The following MYO16 variants were observed in gnomAD, a reference collection of about 807,000 sequenced individuals.
MYO16 encodes the protein myosin XVI.
MYO16 carries 94 observed loss-of-function variants against 205.3 expected under a neutral mutation model. The observed-to-expected ratio is 0.46, with a 90% CI of 0.39 to 0.54. The LOEUF is 0.54. Ranked by LOEUF, MYO16 falls within the 20% of genes least tolerant of loss-of-function variation. The pLI, the probability that MYO16 is intolerant of heterozygous loss-of-function variation, is 0.00. For synonymous variants in MYO16, 988 were observed against 954.0 expected (o/e 1.04, Z -0.66); for missense variants, 2,315 against 2,387.5 (o/e 0.97, Z 0.63).
At chr13:109,150,294 C>T (rs115799803) in intron 32 of MYO16, among the ~76,000 whole-genome samples, 1,622 of 152,284 alleles carry the variant, frequency 0.011, 32 homozygotes, top group African/African-American at 0.036. Context: ...AAGTGAGAAA[C>T]ATGACTAAAT....
At chr13:108,912,549 C>T (rs1030538972) in intron 16 of MYO16, among the ~76,000 whole-genome samples, 1 of 152,014 alleles carries the variant, frequency 6.6e-6, no homozygotes, top group African/African-American at 2.4e-5. Flanking sequence ...AAGCCAGAGA[C>T]ATGAAGAAGC....
At chr13:108,729,277 A>C (rs1407354261) in intron 4 of MYO16, among the ~76,000 whole-genome samples, 2 of 152,188 alleles carry the variant, frequency 1.3e-5, no homozygotes, top group African/African-American at 2.4e-5. Flanking sequence ...AATATATTAC[A>C]GAAAGGAACC....
chr13:108,575,026 C>T, the MYO16 span, among the ~76,000 whole-genome samples: 5 of 152,152 alleles, frequency 3.3e-5, no homozygotes, highest in South Asian at 1.0e-3. Flanking sequence ...CTCACACACT[C>T]CAGTGTGACT....
chr13:108,782,846 G>A (rs886879887), intron 4 of MYO16, among the ~76,000 whole-genome samples: 1 of 152,196 alleles, frequency 6.6e-6, no homozygotes, highest in Non-Finnish European at 1.5e-5. Flanking sequence ...TGAGCCTGCA[G>A]GTAGACAGAA....
intron 20 of MYO16, among the ~76,000 whole-genome samples, chr13:108,984,289 C>G (rs1180030061): frequency 6.6e-6 from 1 of 152,120 alleles, no homozygotes. Flanking sequence ...CTTAGAAATC[C>G]TCATACCCAT....
the MYO16 span, among the ~76,000 whole-genome samples, chr13:108,510,461 G>GTTTTTTTT: frequency 1.8e-3 from 82 of 45,824 alleles, no homozygotes; most frequent in East Asian, 3.0e-3. Flanking sequence ...ATTGATAGCT[G>GTTTTTTTT]TTTTTTTTTT....
intron 3 of MYO16, among the ~76,000 whole-genome samples, chr13:108,721,055 C>T (rs528222249): frequency 3.9e-5 from 6 of 152,174 alleles, no homozygotes; most frequent in African/African-American, 1.4e-4. Flanking sequence ...CATTTGGTTC[C>T]TATGATTTTC....
intron 16 of MYO16, among the ~76,000 whole-genome samples, chr13:108,917,026 GA>G: frequency 0.015 from 8 of 538 alleles, no homozygotes; most frequent in Non-Finnish European, 0.028. Flanking sequence ...CCAGGAATGT[GA>G]GATGCAGAAA....
At chr13:108,563,815 A>G in the MYO16 span, among the ~76,000 whole-genome samples, 8 of 152,322 alleles carry the variant, frequency 5.3e-5, no homozygotes, top group South Asian at 2.1e-4. Context: ...GAGTGCAGAT[A>G]TCTTTTCAAT....
At chr13:108,501,191 A>C in the MYO16 span, among the ~76,000 whole-genome samples, 7 of 152,120 alleles carry the variant, frequency 4.6e-5, no homozygotes, top group Admixed American at 2.6e-4. Flanking sequence ...CACTGTGGTT[A>C]CTGCTTCTTA....
chr13:108,555,762 C>G, the MYO16 span, among the ~76,000 whole-genome samples: 2 of 152,308 alleles, frequency 1.3e-5, no homozygotes, highest in Admixed American at 1.3e-4. Context: ...CCTCCCCTTA[C>G]CACACCTTCC....
intron 6 of MYO16, among the ~76,000 whole-genome samples, chr13:108,796,488 T>C (rs1397904542): frequency 1.3e-5 from 2 of 152,164 alleles, no homozygotes; most frequent in South Asian, 2.1e-4. Context: ...TGTGGCACTA[T>C]TCACAATGGC....
intron 20 of MYO16, among the ~76,000 whole-genome samples, chr13:108,991,430 C>A (rs1013735373): frequency 4.6e-5 from 7 of 152,180 alleles, no homozygotes; most frequent in Non-Finnish European, 8.8e-5. Context: ...TTTCATTCTT[C>A]TTTTAAAAGA....
At chr13:108,689,815 T>C (rs1272441390) in intron 2 of MYO16, among the ~76,000 whole-genome samples, 1 of 152,170 alleles carries the variant, frequency 6.6e-6, no homozygotes, top group African/African-American at 2.4e-5. Context: ...AGTTGTTTCA[T>C]TTCCAGCAGA....
the MYO16 span, among the ~76,000 whole-genome samples, chr13:108,504,487 C>T: frequency 1.3e-5 from 2 of 151,856 alleles, no homozygotes; most frequent in Non-Finnish European, 2.9e-5. Context: ...AACAACAACT[C>T]TGTATTTCCC....
intron 33 of MYO16, among the ~76,000 whole-genome samples, chr13:109,168,017 TA>T (rs1394675465): frequency 6.6e-6 from 1 of 152,122 alleles, no homozygotes; most frequent in Non-Finnish European, 1.5e-5. Context: ...TATACACTGA[TA>T]AACCTACCTT....
rs748248167 is a variant in MYO16 at position 109,127,288 on chromosome 13, T to C, written c.3789T>C (p.Asp1263=). 6.3e-7 allele frequency: 1 copy of C among 1,583,134 alleles called. No individual in the cohort carries two copies. The highest frequency in any genetic ancestry group is 1.3e-5 in the African/African-American group (1 of 74,332). The change falls in exon 31 of 35, where the codon GAT becomes GAC. Residue 1263 remains aspartate, a synonymous_variant. Coordinates refer to ENST00000457511, the MANE Select transcript of MYO16 (RefSeq NM_001198950.3). The surrounding 1 kb of genome is among the most constrained non-coding windows in gnomAD (Gnocchi z 4.2). ...NMQEEGSKRT[D]DKSGPRHFHP... ...TGTTTTGTTTCCCCCTAAGAACCGA[T>C]GACAAGAGTGGACCCAGGCATTTCC...
chr13:109,141,771 T>C lies in MYO16; in HGVS notation c.5164+395T>C, dbSNP rs111539004. Among the ~76,000 whole-genome samples the C allele has an allele frequency of 4.6e-3, 695 of 152,348 alleles. 5 individuals carry two copies. The highest frequency in any genetic ancestry group is 0.016 in the African/African-American group (664 of 41,578). The stretch of plus-strand genomic sequence containing the variant: ...GTTTCTATCGCCGATTTCCGTTTGA[T>C]GTACAGTTCACAGCTAATCCCCGAG... On this transcript the variant is annotated intron_variant, in intron 32 of 34. Transcript: ENST00000457511. The surrounding 1 kb of genome is among the most constrained non-coding windows in gnomAD (Gnocchi z 4.1).
At chr13:108,749,852 A>G (rs1351029774) in intron 4 of MYO16, among the ~76,000 whole-genome samples, 1 of 152,246 alleles carries the variant, frequency 6.6e-6, no homozygotes, top group African/African-American at 2.4e-5. Context: ...TTTATTCATA[A>G]TTGCCAAAAC....
Sources: gnomAD v4.1 joint callset for allele counts (sites outside exome capture counted in the v4.1 genomes callset) on GRCh38, gnomAD v4.1.1 for gene constraint, Gnocchi (gnomAD v3.1) non-coding constraint, MANE v1.5 for transcripts, NCBI Gene and HGNC (gene_info 2026-07-23, HGNC 2026-07-21) for gene names.